Variants in UBR2 observed in about 807,000 individuals in gnomAD.
UBR2 encodes the protein ubiquitin protein ligase E3 component n-recognin 2.
A neutral mutation model predicts 247.9 loss-of-function variants in UBR2; 92 were observed. That is an observed-to-expected ratio of 0.37 (90% confidence interval 0.31 to 0.44). The LOEUF (loss-of-function observed/expected upper bound fraction) is 0.44. Ranked by LOEUF, UBR2 falls within the 20% of genes least tolerant of loss-of-function variation. UBR2 has a pLI of 1.00. For missense variants in UBR2, 1,613 were observed against 2,112.6 expected (o/e 0.76, Z 4.64); for synonymous variants, 672 against 693.5 (o/e 0.97, Z 0.49).
In UBR2 at chr6:42,573,727, T is replaced by G. The variant is rs1791313564; in HGVS notation, c.79-7T>G. On this transcript the variant is annotated splice_region_variant and splice_polypyrimidine_tract_variant and intron_variant, in intron 1 of 46. Transcript: ENST00000372901. ...AAAACCATTTCTTCTCTTTTCTTCTTTTAAAGAAATGGCTGCAAGCAACTG... is the reference window on the plus strand; with the variant it reads ...AAAACCATTTCTTCTCTTTTCTTCTGTTAAAGAAATGGCTGCAAGCAACTG... 2 of 1,506,316 alleles carry G rather than the reference T, an allele frequency of 1.3e-6. No homozygotes were observed. Among genetic ancestry groups the G allele is most frequent in the Admixed American group, 2.3e-5 (1 of 42,742 alleles). 93.3% of individuals were successfully genotyped at this position (1,506,316 alleles called of 1,614,324 possible).
At position 42,594,289 on chromosome 6, in the gene UBR2, A is replaced by T. The variant is rs6905054; in HGVS notation, c.516A>T (p.Glu172Asp). The change falls in exon 4 of 47, where the codon GAA (glutamate) becomes GAT (aspartate). Residue 172 changes from glutamate (E) to aspartate (D), a missense_variant. By Grantham distance (45) the Glu-to-Asp change is conservative. Transcript: ENST00000372901. Reference sequence around the variant, plus strand: ...AAAAACATGAACTTAACACCTCTGAAATTGAGGAAGAAGAGGTAAAAACAT... The same window carrying T: ...AAAAACATGAACTTAACACCTCTGATATTGAGGAAGAAGAGGTAAAAACAT... ...YCQKHELNTS[E>D]IEEEEDPLVH... The T allele has an allele frequency of 5.1e-3, 8,163 of 1,608,054 alleles. 270 individuals are homozygous for T. In the African/African-American group the frequency reaches 0.084, roughly 17 times the overall value.
In UBR2 at chr6:42,679,939, AAC is replaced by A. The variant is rs1056355879; in HGVS notation, c.4718+111_4718+112del. 9 of 675,884 alleles carry A rather than the reference AAC, an allele frequency of 1.3e-5. No homozygotes were observed. In the Admixed American group the frequency reaches 2.9e-4, roughly 22 times the overall value. The allele number at this position is 675,884 out of a possible 1,614,324, so 41.9% of individuals were successfully genotyped here. A position where few individuals can be genotyped will look rare whatever the true frequency, so the allele number is the denominator to read the frequency against. On this transcript the variant is annotated intron_variant, in intron 42 of 46. Transcript: ENST00000372901. ...TCAAGTAATGACCCTGGTAGAATTC[AAC>A]ACAAATAATTCAAACTATAATGGGT... is the stretch of plus-strand genomic sequence containing the variant.
chr6:42,593,389 A>AT (rs1333461639), intron 3 of UBR2, among the ~76,000 whole-genome samples: 1 of 152,110 alleles, frequency 6.6e-6, no homozygotes, highest in Non-Finnish European at 1.5e-5. Context: ...AATAGTTGTC[A>AT]TTTATAGGGT....
At chr6:42,611,973 TG>T in intron 7 of UBR2, among the ~76,000 whole-genome samples, 197 bp from the exon 8 acceptor site, 1 of 152,232 alleles carries the variant, frequency 6.6e-6, no homozygotes, top group South Asian at 2.1e-4. Flanking sequence ...CGTATTTTTT[TG>T]TATGAATCCT....
intron 42 of UBR2, among the ~76,000 whole-genome samples, chr6:42,681,450 T>G (rs1799046036): frequency 6.6e-6 from 1 of 152,112 alleles, no homozygotes. Flanking sequence ...GGTAAAGGGC[T>G]TAAATAGGCA....
intron 38 of UBR2, 142 bp from the exon 39 acceptor site, chr6:42,675,914 G>A (rs532495595): frequency 8.0e-6 from 9 of 1,125,780 alleles, no homozygotes; most frequent in Middle Eastern, 2.1e-4. Context: ...CCGAGGTTGC[G>A]CCATTGCACT....
At chr6:42,656,997 G>T (rs1385798012) in intron 26 of UBR2, among the ~76,000 whole-genome samples, 2 of 152,080 alleles carry the variant, frequency 1.3e-5, no homozygotes, top group South Asian at 4.1e-4. Flanking sequence ...CACTTTGGGA[G>T]ATCAAGGTGG....
At chr6:42,570,717 T>C (rs564155091) in intron 1 of UBR2, among the ~76,000 whole-genome samples, 1 of 152,130 alleles carries the variant, frequency 6.6e-6, no homozygotes, top group Non-Finnish European at 1.5e-5. Context: ...AGGATCTCAC[T>C]CTGTCACCCA....
chr6:42,681,565 G>A (rs1799054245), intron 42 of UBR2, among the ~76,000 whole-genome samples: 1 of 142,762 alleles, frequency 7.0e-6, no homozygotes, highest in Non-Finnish European at 1.5e-5. Context: ...CCCATTAGGT[G>A]AGCTATTACT....
rs138468453 is a variant in UBR2 at position 42,610,597 on chromosome 6, G to C, written c.865-1574G>C. ...TAAGCCGGTAACAAAAAGATAAATA[G>C]CATATGATTCTACTTATATGACCTA... On this transcript the variant is annotated intron_variant, in intron 7 of 46. Coordinates refer to ENST00000372901, the MANE Select transcript of UBR2 (RefSeq NM_001363705.2). Among the ~76,000 whole-genome samples the C allele has an allele frequency of 2.1e-3, 315 of 152,196 alleles. 1 individual carries two copies. The highest frequency in any genetic ancestry group is 7.1e-3 in the African/African-American group (294 of 41,542).
intron 4 of UBR2, among the ~76,000 whole-genome samples, chr6:42,600,201 A>G (rs1793270601): frequency 1.3e-5 from 2 of 152,212 alleles, no homozygotes; most frequent in Non-Finnish European, 2.9e-5. Flanking sequence ...CATAAAAGAT[A>G]AAGTTCTCCA....
At chr6:42,663,145 A>G in intron 31 of UBR2, 113 bp from the exon 32 acceptor site, 1 of 896,546 alleles carries the variant, frequency 1.1e-6, no homozygotes, top group South Asian at 4.1e-5. Context: ...TTAGTTTAAG[A>G]TTTTCATTTT....
rs575933312 is a variant in UBR2 at position 42,693,142 on chromosome 6, C to T, written c.*1969C>T. 39 of 140,910 alleles carry T rather than the reference C, an allele frequency of 2.8e-4. No homozygotes were observed. The highest frequency in any genetic ancestry group is 9.7e-4 in the African/African-American group (39 of 40,220). 8.7% of individuals were successfully genotyped at this position (140,910 alleles called of 1,614,324 possible). ...ATAACAATACTCCAGCTTTCCGGTCCGACTTCCTAGGAGCCTGGAGTTAGC... is the reference window on the plus strand; with the variant it reads ...ATAACAATACTCCAGCTTTCCGGTCTGACTTCCTAGGAGCCTGGAGTTAGC... On this transcript the variant is annotated 3_prime_UTR_variant, in exon 47 of 47. Coordinates refer to ENST00000372901, the MANE Select transcript of UBR2 (RefSeq NM_001363705.2).
intron 3 of UBR2, among the ~76,000 whole-genome samples, chr6:42,593,314 G>A (rs984228200): frequency 1.3e-5 from 2 of 152,140 alleles, no homozygotes; most frequent in African/African-American, 2.4e-5. Flanking sequence ...ACTGAAACAA[G>A]CACGTGTCAT....
At chr6:42,607,710 C>CTTTTTTTTTTTTTTT (rs1562303790) in intron 7 of UBR2, among the ~76,000 whole-genome samples, 1 of 52,888 alleles carries the variant, frequency 1.9e-5, no homozygotes, top group African/African-American at 1.1e-4. Context: ...CCACTCCCAG[C>CTTTTTTTTTTTTTTT]TGTTTTTTTT....
chr6:42,637,244 T>C (rs1281324542), intron 15 of UBR2, 50 bp downstream of exon 15: 1 of 1,563,634 alleles, frequency 6.4e-7, no homozygotes, highest in Non-Finnish European at 8.7e-7. Flanking sequence ...TTTAAATTGT[T>C]GTTTGTGGTT....
In UBR2 at chr6:42,679,767, C is replaced by G; in HGVS notation, c.4653C>G (p.Ser1551=). Residue 1551 remains serine, a synonymous_variant, in exon 42 of 47, where the codon TCC becomes TCG. Coordinates refer to ENST00000372901, the MANE Select transcript of UBR2 (RefSeq NM_001363705.2). ...SHFEHLCSYL[S]LPNNLICLFQ... Reference sequence around the variant, plus strand: ...TTGAACATTTATGTAGCTATCTTTCCCTACCAAACAACCTCATTTGCCTTT... The same window carrying G: ...TTGAACATTTATGTAGCTATCTTTCGCTACCAAACAACCTCATTTGCCTTT... 1 of 1,613,478 alleles carries G rather than the reference C, an allele frequency of 6.2e-7. No individual in the cohort carries two copies. Among genetic ancestry groups the G allele is most frequent in the African/African-American group, 1.3e-5 (1 of 75,016 alleles).
Position 42,663,279 on chromosome 6 carries a change from T to C in UBR2, c.3558T>C (p.Ala1186=). 3 of 1,610,632 alleles carry C rather than the reference T, an allele frequency of 1.9e-6. No homozygotes were observed. The highest frequency in any genetic ancestry group is 2.5e-6 in the Non-Finnish European group (3 of 1,178,816). ...AAAGGTATTTTGATTCCGTTCAAGC[T>C]AAAGAACAGCGAAGGCAACAGAGAT... ...CWQRYFDSVQ[A]KEQRRQQRLR... Residue 1186 remains alanine, a synonymous_variant, in exon 32 of 47, where the codon GCT becomes GCC. Transcript: ENST00000372901.
chr6:42,582,151 C>T (rs1384375212), intron 2 of UBR2, among the ~76,000 whole-genome samples: 7 of 151,806 alleles, frequency 4.6e-5, no homozygotes, highest in South Asian at 4.2e-4. Context: ...GGCGTGGTGG[C>T]GGGCACCTGT....
Sources: gnomAD v4.1 joint callset for allele counts (sites outside exome capture counted in the v4.1 genomes callset) on GRCh38, gnomAD v4.1.1 for gene constraint, MANE v1.5 for transcripts, NCBI Gene and HGNC (gene_info 2026-07-23, HGNC 2026-07-21) for gene names.